ZC4H2: variants seen among roughly 807,000 people sequenced by gnomAD.
ZC4H2 encodes the protein zinc finger C4H2 domain-containing protein.
For synonymous variants in ZC4H2, 84 were observed against 66.3 expected, an observed-to-expected ratio of 1.27 and a Z score of -1.30; for missense variants, 137 against 173.9, an observed-to-expected ratio of 0.79 and a Z score of 1.19.
intron 1 of ZC4H2, among the ~76,000 whole-genome samples, chrX:64,930,165 C>T (rs1929676403): frequency 9.0e-6 from 1 of 111,519 alleles, no homozygotes; most frequent in African/African-American, 3.3e-5. Context: ...ATTTAATTCT[C>T]AGCTTAGTCA....
chrX:65,022,274 C>T (rs765934798), intron 1 of ZC4H2, among the ~76,000 whole-genome samples: 112 of 111,805 alleles, frequency 1.0e-3, no homozygotes, highest in African/African-American at 3.5e-3. Context: ...CGAAAATCCT[C>T]AATAAGATAC....
intron 1 of ZC4H2, among the ~76,000 whole-genome samples, chrX:64,929,473 A>G (rs942712929): frequency 9.0e-6 from 1 of 111,482 alleles, no homozygotes; most frequent in African/African-American, 3.3e-5. Context: ...TCCCAATGCT[A>G]CCTTCTAGTA....
intron 1 of ZC4H2, among the ~76,000 whole-genome samples, chrX:64,990,454 T>C (rs1237414681): frequency 1.8e-5 from 2 of 111,616 alleles, no homozygotes; most frequent in African/African-American, 3.3e-5. Flanking sequence ...ATTATATTAA[T>C]GTCAATATCT....
intron 1 of ZC4H2, among the ~76,000 whole-genome samples, chrX:64,926,326 G>A (rs887315185): frequency 8.9e-6 from 1 of 112,172 alleles, no homozygotes; most frequent in Non-Finnish European, 1.9e-5. Flanking sequence ...AGGACATCTA[G>A]ACTCACTCTA....
intron 1 of ZC4H2, among the ~76,000 whole-genome samples, chrX:64,929,236 ATTTG>A (rs202201655): frequency 0.016 from 1,760 of 109,883 alleles, 43 homozygotes; most frequent in African/African-American, 0.056. Flanking sequence ...GTTTTTGCTT[ATTTG>A]TTTGAGTTCC....
At chrX:64,994,212 T>C (rs1932365124) in intron 1 of ZC4H2, among the ~76,000 whole-genome samples, 1 of 111,656 alleles carries the variant, frequency 9.0e-6, no homozygotes, top group Non-Finnish European at 1.9e-5. Context: ...TTAGTATGAT[T>C]CTCACAACAA....
intron 1 of ZC4H2, among the ~76,000 whole-genome samples, chrX:64,981,851 G>T (rs1037104226): frequency 1.8e-5 from 2 of 111,265 alleles, no homozygotes; most frequent in East Asian, 5.7e-4. Flanking sequence ...GGACTTGTGG[G>T]TGATTAGCCA....
chrX:64,924,684 C>G (rs1929351796), intron 1 of ZC4H2, among the ~76,000 whole-genome samples: 1 of 111,302 alleles, frequency 9.0e-6, no homozygotes, highest in Non-Finnish European at 1.9e-5. Flanking sequence ...CTGGTGAGTG[C>G]AGGTGGGCAC....
chrX:65,018,677 G>A (rs558283219), intron 1 of ZC4H2, among the ~76,000 whole-genome samples: 2 of 110,133 alleles, frequency 1.8e-5, no homozygotes, highest in African/African-American at 3.3e-5. Context: ...GAATGCCAGC[G>A]AGACAGAACC....
intron 1 of ZC4H2, among the ~76,000 whole-genome samples, chrX:64,952,102 G>T (rs1930872449): frequency 9.0e-6 from 1 of 110,809 alleles, no homozygotes; most frequent in Admixed American, 9.6e-5. Context: ...TCAAAGATCA[G>T]ATAGTTGTAG....
chrX:64,987,281 A>T (rs5918557), intron 1 of ZC4H2, among the ~76,000 whole-genome samples: 1,561 of 111,178 alleles, frequency 0.014, 14 homozygotes, highest in Middle Eastern at 0.041. Context: ...GAACTGAAAT[A>T]GCTAAAAACA....
chrX:64,989,396 G>T (rs1231083849), intron 1 of ZC4H2, among the ~76,000 whole-genome samples: 1 of 111,391 alleles, frequency 9.0e-6, no homozygotes. Flanking sequence ...TTATTTCATT[G>T]AGCAGTGGTT....
chrX:64,984,999 T>G (rs1311037470), intron 1 of ZC4H2, among the ~76,000 whole-genome samples: 1 of 112,155 alleles, frequency 8.9e-6, no homozygotes, highest in African/African-American at 3.2e-5. Context: ...GGCCTCCAAC[T>G]CCATCCACGT....
At chrX:65,004,777 G>C (rs1239908285) in intron 1 of ZC4H2, among the ~76,000 whole-genome samples, 1 of 112,155 alleles carries the variant, frequency 8.9e-6, no homozygotes, top group African/African-American at 3.2e-5. Flanking sequence ...AATAGGAAGA[G>C]AGGAAGTCAA....
intron 1 of ZC4H2, among the ~76,000 whole-genome samples, chrX:64,923,285 A>G (rs1361741382): frequency 1.8e-5 from 2 of 111,992 alleles, no homozygotes; most frequent in Non-Finnish European, 3.8e-5. Flanking sequence ...TAATAACATA[A>G]TTTGAAGCCT....
At chrX:65,021,235 C>T (rs1268251453) in intron 1 of ZC4H2, among the ~76,000 whole-genome samples, 1 of 110,773 alleles carries the variant, frequency 9.0e-6, no homozygotes, top group African/African-American at 3.3e-5. Flanking sequence ...TTTCTTAGCA[C>T]CATATCGCAC....
chrX:64,919,983 T>C, intron 3 of ZC4H2, 98 bp downstream of exon 3: 1 of 939,280 alleles, frequency 1.1e-6, no homozygotes, highest in Non-Finnish European at 1.4e-6. Context: ...CAGGCTAGGC[T>C]TTGTGTATGT....
intron 1 of ZC4H2, among the ~76,000 whole-genome samples, chrX:64,953,555 T>A (rs771218052): frequency 1.6e-4 from 18 of 112,066 alleles, no homozygotes; most frequent in African/African-American, 5.8e-4. Context: ...TATGCAGCCA[T>A]AAGTCACATG....
At chrX:64,959,420 G>T (rs950898235) in intron 1 of ZC4H2, among the ~76,000 whole-genome samples, 1 of 98,154 alleles carries the variant, frequency 1.0e-5, no homozygotes, top group African/African-American at 3.8e-5. Flanking sequence ...TTGAATGTAA[G>T]GTACACATTA....
Sources: allele counts gnomAD v4.1 joint callset (sites outside exome capture counted in the v4.1 genomes callset), GRCh38; gene constraint gnomAD v4.1.1; transcripts MANE v1.5; gene names NCBI Gene and HGNC (gene_info 2026-07-23, HGNC 2026-07-21).